EYA1: variants seen among roughly 807,000 people sequenced by gnomAD.
EYA1 encodes the protein protein phosphatase EYA1.
EYA1 carries 16 observed loss-of-function variants against 82.0 expected under a neutral mutation model. That is an observed-to-expected ratio of 0.20 (90% confidence interval 0.13 to 0.30). The LOEUF (loss-of-function observed/expected upper bound fraction) is 0.30, where lower values mean the gene tolerates loss of function less well. Among genes scored for constraint, EYA1 ranks in the 10% least tolerant of loss-of-function variants. EYA1 has a pLI of 1.00. For synonymous variants in EYA1, 261 were observed against 264.4 expected, an observed-to-expected ratio of 0.99 and a Z score of 0.12; for missense variants, 633 against 730.7, an observed-to-expected ratio of 0.87 and a Z score of 1.54.
intron 2 of EYA1, among the ~76,000 whole-genome samples, chr8:71,526,546 T>A (rs1233879935): frequency 1.3e-5 from 2 of 152,180 alleles, no homozygotes; most frequent in Non-Finnish European, 2.9e-5. Context: ...TGCAGTCATC[T>A]GAAGGCTTAA....
intron 2 of EYA1, among the ~76,000 whole-genome samples, chr8:71,456,593 A>T (rs185690382): frequency 6.6e-6 from 1 of 152,320 alleles, no homozygotes; most frequent in Admixed American, 6.5e-5. Context: ...AGCCCTCAGA[A>T]ATAATATCAC....
intron 7 of EYA1, among the ~76,000 whole-genome samples, chr8:71,301,267 G>A (rs1199284851): frequency 1.3e-5 from 2 of 152,154 alleles, no homozygotes; most frequent in Non-Finnish European, 2.9e-5. Context: ...CTTTGGACAA[G>A]TCTCCCAGCC....
intron 2 of EYA1, among the ~76,000 whole-genome samples, chr8:71,455,693 G>A (rs193227046): frequency 1.1e-4 from 17 of 152,242 alleles, no homozygotes; most frequent in African/African-American, 3.6e-4. Flanking sequence ...AAAGGCCTTC[G>A]ACAAAATTCA....
At chr8:71,539,679 G>A (rs752297088) in intron 1 of EYA1, among the ~76,000 whole-genome samples, 5 of 152,192 alleles carry the variant, frequency 3.3e-5, no homozygotes, top group Non-Finnish European at 5.9e-5. Flanking sequence ...TGAAGGGGAT[G>A]CTTTAGAAAG....
chr8:71,499,506 C>A (rs928541131), intron 2 of EYA1, among the ~76,000 whole-genome samples: 2 of 152,012 alleles, frequency 1.3e-5, no homozygotes, highest in Admixed American at 6.6e-5. Flanking sequence ...GATTCCAGGA[C>A]CTGCTCAGAG....
At chr8:71,399,363 C>T (rs556103791) in intron 2 of EYA1, among the ~76,000 whole-genome samples, 32 of 152,318 alleles carry the variant, frequency 2.1e-4, no homozygotes, top group East Asian at 3.9e-4. Flanking sequence ...GCATCACTCA[C>T]GCAGGGAGCT....
chr8:71,498,007 T>C (rs1407078765), intron 2 of EYA1, among the ~76,000 whole-genome samples: 1 of 151,782 alleles, frequency 6.6e-6, no homozygotes, highest in African/African-American at 2.4e-5. Flanking sequence ...GTTGATCTTC[T>C]AGAAGTGAAG....
chr8:71,398,212 A>G (rs941395926), intron 2 of EYA1, among the ~76,000 whole-genome samples: 1 of 152,166 alleles, frequency 6.6e-6, no homozygotes, highest in Non-Finnish European at 1.5e-5. Context: ...CAAGGTTTTT[A>G]GCTTCTTTGC....
chr8:71,513,966 ATTCCTTTTTATGGCTGAATAG>A (rs1812786544), intron 2 of EYA1, among the ~76,000 whole-genome samples: 1 of 152,144 alleles, frequency 6.6e-6, no homozygotes, highest in Non-Finnish European at 1.5e-5. Context: ...AAGATCTCTC[ATTCCTTTTTATGGCTGAATAG>A]TACTCCACTG....
At chr8:71,449,252 A>C (rs1807157513) in intron 2 of EYA1, 1 of 153,084 alleles carries the variant, frequency 6.5e-6, no homozygotes. Flanking sequence ...CAGTGAGACA[A>C]CATCGTAACA....
chr8:71,393,073 A>T (rs754555642), intron 2 of EYA1, among the ~76,000 whole-genome samples: 2 of 152,160 alleles, frequency 1.3e-5, no homozygotes, highest in Non-Finnish European at 2.9e-5. Flanking sequence ...TGCCTATCAA[A>T]AGCTAAGATA....
rs905446097 is a variant in EYA1, at chr8:71,304,094, T to C, written c.557-4374A>G. 4.2e-5 allele frequency among the ~76,000 whole-genome samples: 6 copies of C among 142,820 alleles called. 1 individual carries two copies. Among genetic ancestry groups the C allele is most frequent in the Non-Finnish European group, 9.5e-5 (6 of 62,948 alleles). 93.7% of individuals were successfully genotyped at this position (142,820 alleles called of 152,430 possible). On this transcript the variant is annotated intron_variant, in intron 7 of 17. Coordinates refer to ENST00000340726, the MANE Select transcript of EYA1 (RefSeq NM_000503.6). ...ATAATTTATATTTATATCTTGTAAA[T>C]AATCTCAGGGATTATTTTATAATTA...
intron 11 of EYA1, among the ~76,000 whole-genome samples, chr8:71,261,976 T>C (rs1046369667): frequency 2.6e-5 from 4 of 152,236 alleles, no homozygotes; most frequent in Non-Finnish European, 4.4e-5. Flanking sequence ...ACTTCCAGCA[T>C]GTCCCTCCAT....
At chr8:71,447,853 G>A (rs1807013927) in intron 2 of EYA1, among the ~76,000 whole-genome samples, 1 of 152,156 alleles carries the variant, frequency 6.6e-6, no homozygotes, top group Non-Finnish European at 1.5e-5. Flanking sequence ...TTGCCCCAAT[G>A]TTGATGGCTA....
chr8:71,240,147 T>G (rs1812297982), intron 12 of EYA1, among the ~76,000 whole-genome samples: 1 of 152,058 alleles, frequency 6.6e-6, no homozygotes, highest in African/African-American at 2.4e-5. Flanking sequence ...ACAAGAAAAA[T>G]CATTGCAGCT....
intron 2 of EYA1, among the ~76,000 whole-genome samples, chr8:71,408,694 C>T (rs1211110612): frequency 1.7e-5 from 2 of 119,888 alleles, no homozygotes; most frequent in Admixed American, 1.7e-4. Context: ...ATATATGCAC[C>T]CAATACAGGA....
intron 2 of EYA1, among the ~76,000 whole-genome samples, chr8:71,504,975 T>C (rs1015505278): frequency 1.3e-5 from 2 of 152,086 alleles, no homozygotes; most frequent in Non-Finnish European, 2.9e-5. Flanking sequence ...CTAATCTGTA[T>C]TTTTAGTAGA....
intron 2 of EYA1, among the ~76,000 whole-genome samples, chr8:71,397,438 T>A (rs927121111): frequency 6.6e-6 from 1 of 152,208 alleles, no homozygotes; most frequent in Non-Finnish European, 1.5e-5. Context: ...AGTTGTTCCT[T>A]TCCATGTTTA....
At chr8:71,495,611 C>CA (rs983071921) in intron 2 of EYA1, among the ~76,000 whole-genome samples, 4 of 151,874 alleles carry the variant, frequency 2.6e-5, no homozygotes, top group South Asian at 2.1e-4. Flanking sequence ...GACTCTGTCT[C>CA]AAAAAAATAA....
Sources: gnomAD v4.1 joint callset for allele counts (sites outside exome capture counted in the v4.1 genomes callset) on GRCh38, gnomAD v4.1.1 for gene constraint, MANE v1.5 for transcripts, NCBI Gene and HGNC (gene_info 2026-07-23, HGNC 2026-07-21) for gene names.